The following SCN10A variants were observed in gnomAD, a reference collection of about 807,000 sequenced individuals.
The protein encoded by SCN10A is sodium voltage-gated channel alpha subunit 10.
A neutral mutation model predicts 170.7 loss-of-function variants in SCN10A; 162 were observed. The ratio of observed to expected loss-of-function variants is 0.95; its 90% CI spans 0.84 to 1.08. SCN10A has a LOEUF of 1.08. Ranked by LOEUF, SCN10A falls within the 50% of genes least tolerant of loss-of-function variation. The probability of loss-of-function intolerance (pLI) is 0.00; values close to 1 mark genes in which losing one functional copy is unlikely to be tolerated. For missense variants in SCN10A, 2,527 were observed against 2,436.9 expected (o/e 1.04, Z -0.78); for synonymous variants, 985 against 904.6 (o/e 1.09, Z -1.59).
At chr3:38,769,179 G>A (rs770197217) in intron 5 of SCN10A, among the ~76,000 whole-genome samples, 10 of 148,186 alleles carry the variant, frequency 6.7e-5, no homozygotes, top group Non-Finnish European at 9.0e-5. Context: ...ATTTCTTTAA[G>A]TTGGTTTTTA....
Position 38,757,118 on chromosome 3 carries a change from T to C in SCN10A, c.992A>G (p.Asn331Ser), listed in dbSNP as rs1424135069. The C allele has an allele frequency of 1.2e-6, 2 of 1,612,944 alleles. No individual in the cohort carries two copies. The highest frequency in any genetic ancestry group is 1.7e-6 in the Non-Finnish European group (2 of 1,179,526). Residue 331 changes from asparagine to serine, a missense_variant, in exon 9 of 28, where the codon AAC (asparagine) becomes AGC (serine). Asn to Ser is a conservative substitution (Grantham distance 46, BLOSUM62 1). Coordinates refer to ENST00000449082, the MANE Select transcript of SCN10A (RefSeq NM_006514.4). Reference protein sequence around the residue: ...DGYICLKTSDNPDFNYTSFDS... With the variant: ...DGYICLKTSDSPDFNYTSFDS... ...AAAGCTGGTGTAGTTAAAATCCGGG[T>C]TGTCAGAAGTTTTAAGGCAGATATA... is the stretch of plus-strand genomic sequence containing the variant.
intron 3 of SCN10A, among the ~76,000 whole-genome samples, chr3:38,790,052 T>C (rs1052403037): frequency 1.3e-5 from 2 of 152,154 alleles, no homozygotes; most frequent in Non-Finnish European, 2.9e-5. Flanking sequence ...GGAACACATC[T>C]ATTATGAAAA....
intron 18 of SCN10A, among the ~76,000 whole-genome samples, chr3:38,724,063 T>C (rs781027767): frequency 6.6e-6 from 1 of 152,110 alleles, no homozygotes; most frequent in South Asian, 2.1e-4. Context: ...CTGAAAACAT[T>C]GAGTAGGGAC....
intron 1 of SCN10A, among the ~76,000 whole-genome samples, chr3:38,797,794 C>G (rs953785376): frequency 6.6e-6 from 1 of 152,164 alleles, no homozygotes; most frequent in Non-Finnish European, 1.5e-5. Context: ...AGGACTAAGC[C>G]AGAATTCCAG....
chr3:38,729,145 C>A (rs1295499483), intron 15 of SCN10A, among the ~76,000 whole-genome samples: 1 of 152,132 alleles, frequency 6.6e-6, no homozygotes, highest in African/African-American at 2.4e-5. Context: ...GAGTCAGGGT[C>A]TTCTACTGGG....
intron 20 of SCN10A, among the ~76,000 whole-genome samples, chr3:38,719,367 CTTTTTTTTTTTTTTTTTTTTTTTTTTT>C (rs555646896): frequency 2.6e-4 from 18 of 69,132 alleles, no homozygotes; most frequent in Middle Eastern, 0.01. Flanking sequence ...GGCTGCCACT[CTTTTTTTTTTTTTTTTTTTTTTTTTTT>C]TTTTTTTTTT....
In SCN10A at chr3:38,757,179, G is replaced by A; in HGVS notation, c.951-20C>T. 1.3e-6 allele frequency: 2 copies of A among 1,573,424 alleles called. No individual in the cohort carries two copies. Among genetic ancestry groups the A allele is most frequent in the Non-Finnish European group, 1.7e-6 (2 of 1,161,868 alleles). ...CAGTGGCTGCAGCAAGAACAGAGAAGGTCATCCCCTGCTTATTGCAGACAA... is the reference window on the plus strand; with the variant it reads ...CAGTGGCTGCAGCAAGAACAGAGAAAGTCATCCCCTGCTTATTGCAGACAA... On this transcript the variant is annotated intron_variant, in intron 8 of 27. Transcript: ENST00000449082.
At chr3:38,718,032 C>A (rs562615672) in intron 21 of SCN10A, among the ~76,000 whole-genome samples, 1 of 152,308 alleles carries the variant, frequency 6.6e-6, no homozygotes, top group South Asian at 2.1e-4. Flanking sequence ...ATTACCTCTC[C>A]AAATGCGCCC....
chr3:38,715,028 A>G (rs1340127631), intron 21 of SCN10A, among the ~76,000 whole-genome samples: 1 of 152,168 alleles, frequency 6.6e-6, no homozygotes, highest in Admixed American at 6.5e-5. Context: ...AGCCCCAAGC[A>G]ATGTCCATTC....
At chr3:38,723,627 G>T (rs773877069) in intron 18 of SCN10A, 74 bp from the exon 19 acceptor site, 38 of 1,503,886 alleles carry the variant, frequency 2.5e-5, no homozygotes, top group Non-Finnish European at 3.0e-5. Flanking sequence ...GTCACTGCAG[G>T]TTCAACTGCA....
chr3:38,707,148 C>T lies in SCN10A; in HGVS notation c.4386+131G>A, dbSNP rs948024492. The T allele has an allele frequency of 1.2e-5, 11 of 923,264 alleles. No individual in the cohort carries two copies. In the African/African-American group the frequency reaches 1.8e-4, roughly 15 times the overall value. The allele number at this position is 923,264 out of a possible 1,614,324, so 57.2% of individuals were successfully genotyped here. Reference sequence around the variant, plus strand: ...CCTTGGGCCTAGGAACCCTCATCACCCTCATCCCAACGTCAACCCAGATCT... The same window carrying T: ...CCTTGGGCCTAGGAACCCTCATCACTCTCATCCCAACGTCAACCCAGATCT... On this transcript the variant is annotated intron_variant, in intron 26 of 27. Transcript: ENST00000449082.
At chr3:38,774,105 A>T (rs1206027921) in intron 4 of SCN10A, among the ~76,000 whole-genome samples, 5 of 151,974 alleles carry the variant, frequency 3.3e-5, no homozygotes, top group Non-Finnish European at 5.9e-5. Context: ...AAAGTGAATA[A>T]TTTTTTTTCA....
intron 1 of SCN10A, among the ~76,000 whole-genome samples, chr3:38,797,442 G>T (rs1480120130): frequency 1.3e-5 from 2 of 152,084 alleles, no homozygotes; most frequent in African/African-American, 4.8e-5. Flanking sequence ...CTGCCTATTT[G>T]TAGTTGATCT....
At chr3:38,723,683 C>T in intron 18 of SCN10A, 130 bp from the exon 19 acceptor site, 2 of 1,126,120 alleles carry the variant, frequency 1.8e-6, no homozygotes, top group Non-Finnish European at 2.5e-6. Flanking sequence ...CACTGCTCTT[C>T]TCCCTGGAGC....
chr3:38,747,138 T>C (rs2063700002), intron 13 of SCN10A, among the ~76,000 whole-genome samples: 1 of 152,176 alleles, frequency 6.6e-6, no homozygotes, highest in African/African-American at 2.4e-5. Flanking sequence ...TTTCCTCTCC[T>C]CAGATTTTCT....
chr3:38,768,250 T>C (rs1199633024), intron 5 of SCN10A, among the ~76,000 whole-genome samples: 1 of 152,070 alleles, frequency 6.6e-6, no homozygotes, highest in Non-Finnish European at 1.5e-5. Context: ...TCAACATCAG[T>C]ATTGAGATGT....
At chr3:38,778,343 GGGA>G (rs1486384581) in intron 4 of SCN10A, among the ~76,000 whole-genome samples, 1 of 151,880 alleles carries the variant, frequency 6.6e-6, no homozygotes, top group Non-Finnish European at 1.5e-5. Flanking sequence ...CCAGGGCATG[GGGA>G]GAGTAGGAAA....
intron 5 of SCN10A, among the ~76,000 whole-genome samples, chr3:38,764,462 A>G (rs2063910374): frequency 6.6e-6 from 1 of 152,036 alleles, no homozygotes; most frequent in South Asian, 2.1e-4. Context: ...TTAAGAACAC[A>G]TGATGCTTGA....
intron 24 of SCN10A, among the ~76,000 whole-genome samples, chr3:38,710,349 A>T (rs1378161059): frequency 6.6e-6 from 1 of 152,020 alleles, no homozygotes; most frequent in East Asian, 1.9e-4. Context: ...TTTAGTAGAG[A>T]TGGGGTTTCA....
Sources: gnomAD v4.1 joint callset for allele counts (sites outside exome capture counted in the v4.1 genomes callset) on GRCh38, gnomAD v4.1.1 for gene constraint, MANE v1.5 for transcripts, NCBI Gene and HGNC (gene_info 2026-07-23, HGNC 2026-07-21) for gene names.